UNC13B: variants seen among roughly 807,000 people sequenced by gnomAD.
The protein encoded by UNC13B is protein unc-13 homolog B.
A neutral mutation model predicts 211.0 loss-of-function variants in UNC13B; 144 were observed. That is an observed-to-expected ratio of 0.68 (90% CI 0.60 to 0.78). The LOEUF (loss-of-function observed/expected upper bound fraction) is 0.78. Among genes scored for constraint, UNC13B ranks in the 30% least tolerant of loss-of-function variants. The pLI is 0.00. For missense variants in UNC13B, 1,777 were observed against 2,002.0 expected (o/e 0.89, Z 2.14); for synonymous variants, 709 against 725.8 (o/e 0.98, Z 0.37).
At chr9:35,325,452 T>C (rs777297231) in intron 11 of UNC13B, among the ~76,000 whole-genome samples, 8 of 152,188 alleles carry the variant, frequency 5.3e-5, no homozygotes, top group Non-Finnish European at 1.2e-4. Flanking sequence ...CTAAGTGACA[T>C]AGAGACAAGG....
At chr9:35,219,127 A>G (rs1210820146) in intron 1 of UNC13B, among the ~76,000 whole-genome samples, 1 of 152,174 alleles carries the variant, frequency 6.6e-6, no homozygotes, top group Non-Finnish European at 1.5e-5. Flanking sequence ...AGTTTTCTTC[A>G]TGGTTAAATT....
rs116325395 is a variant in UNC13B, at chr9:35,204,292, C to T, written c.23-23723C>T. On this transcript the variant is annotated intron_variant, in intron 1 of 39. Coordinates refer to ENST00000635942, the MANE Select transcript of UNC13B (RefSeq NM_001371189.2). ...AAGCCTAGTGCAGGGTTTGAGCCCT[C>T]ATGGAGAACCTCTACTAGTGCAGTG... 9.7e-3 allele frequency among the ~76,000 whole-genome samples: 1,482 copies of T among 152,336 alleles called. 28 individuals carry two copies. Among genetic ancestry groups the T allele is most frequent in the African/African-American group, 0.034 (1,429 of 41,574 alleles).
chr9:35,388,855 A>G (rs922866531), intron 24 of UNC13B, among the ~76,000 whole-genome samples: 5 of 152,236 alleles, frequency 3.3e-5, no homozygotes, highest in Admixed American at 1.3e-4. Flanking sequence ...AAAGATCACG[A>G]TAGCTGCAAG....
At chr9:35,251,947 TC>T (rs1670050317) in intron 6 of UNC13B, among the ~76,000 whole-genome samples, 2 of 152,196 alleles carry the variant, frequency 1.3e-5, no homozygotes, top group South Asian at 4.1e-4. Context: ...CGCCTTGGCC[TC>T]CCAAAGTGCT....
intron 1 of UNC13B, among the ~76,000 whole-genome samples, chr9:35,199,012 C>T (rs1823109057): frequency 6.6e-6 from 1 of 152,174 alleles, no homozygotes; most frequent in East Asian, 1.9e-4. Context: ...CCTCCCCGCT[C>T]CCCCTACTGC....
chr9:35,239,252 C>T (rs553364223), intron 5 of UNC13B, among the ~76,000 whole-genome samples: 27 of 151,946 alleles, frequency 1.8e-4, no homozygotes, highest in East Asian at 3.9e-4. Flanking sequence ...AAGTGTTGGC[C>T]GGTCTAAGAA....
intron 1 of UNC13B, among the ~76,000 whole-genome samples, chr9:35,181,638 A>C (rs1257472376): frequency 6.6e-6 from 1 of 152,040 alleles, no homozygotes; most frequent in Non-Finnish European, 1.5e-5. Flanking sequence ...GGAGTTTGAG[A>C]CCAGCCTGGC....
chr9:35,228,472 G>A (rs1002069607), intron 2 of UNC13B, among the ~76,000 whole-genome samples: 3 of 151,792 alleles, frequency 2.0e-5, no homozygotes, highest in African/African-American at 7.3e-5. Flanking sequence ...TTCTCCTAAT[G>A]CTATCCCTCC....
At chr9:35,396,350 G>A (rs1482203699) in intron 26 of UNC13B, 126 bp from the exon 27 acceptor site, 14 of 1,216,024 alleles carry the variant, frequency 1.2e-5, no homozygotes, top group Middle Eastern at 2.2e-4. Flanking sequence ...TGAGAAGGAG[G>A]TTGGGAGTCA....
intron 29 of UNC13B, 119 bp from the exon 30 acceptor site, chr9:35,397,516 G>GATTCCCCCTTT: frequency 7.6e-7 from 1 of 1,315,536 alleles, no homozygotes; most frequent in South Asian, 1.3e-5. Flanking sequence ...TGTACTGTGG[G>GATTCCCCCTTT]ATTCCCCCTT....
intron 11 of UNC13B, among the ~76,000 whole-genome samples, chr9:35,326,367 A>G (rs948214143): frequency 6.6e-6 from 1 of 152,162 alleles, no homozygotes; most frequent in African/African-American, 2.4e-5. Context: ...CACATATACT[A>G]TGTTTTTTCC....
At chr9:35,249,855 G>T (rs1826352464) in intron 6 of UNC13B, among the ~76,000 whole-genome samples, 1 of 152,184 alleles carries the variant, frequency 6.6e-6, no homozygotes, top group African/African-American at 2.4e-5. Flanking sequence ...TTCTCGAGGA[G>T]TATCTTTGTT....
At chr9:35,329,575 C>T (rs187904348) in intron 11 of UNC13B, among the ~76,000 whole-genome samples, 42 of 151,920 alleles carry the variant, frequency 2.8e-4, no homozygotes, top group Admixed American at 1.6e-3. Flanking sequence ...ACAGCCTCCA[C>T]CTCCTAGGCT....
At chr9:35,238,106 GATTT>G (rs1366234973) in intron 5 of UNC13B, among the ~76,000 whole-genome samples, 2 of 152,182 alleles carry the variant, frequency 1.3e-5, no homozygotes, top group East Asian at 3.9e-4. Flanking sequence ...TTGCTTGTTA[GATTT>G]ATTATTTTGA....
At chr9:35,315,869 G>A (rs553024872) in intron 11 of UNC13B, among the ~76,000 whole-genome samples, 13 of 152,136 alleles carry the variant, frequency 8.5e-5, no homozygotes, top group East Asian at 3.9e-4. Context: ...CCTCATGTCC[G>A]GACTGAGGCC....
chr9:35,365,894 T>C (rs1409614113), intron 11 of UNC13B, among the ~76,000 whole-genome samples: 2 of 152,246 alleles, frequency 1.3e-5, no homozygotes, highest in Non-Finnish European at 2.9e-5. Context: ...AGCCTATTGC[T>C]GACCCAGGTA....
Position 35,295,783 on chromosome 9 carries a change from C to T in UNC13B, c.614C>T (p.Thr205Ile), listed in dbSNP as rs138440338. Residue 205 changes from threonine (T) to isoleucine (I), a missense_variant, in exon 8 of 40, where the codon ACA becomes ATA. Physicochemically the swap from Thr to Ile is moderately conservative, Grantham distance 89. Coordinates refer to ENST00000635942, the MANE Select transcript of UNC13B (RefSeq NM_001371189.2). ...AACAGCTTCCCACCTCCTTACCATA[C>T]AGCTTCCCAGCCCAACGCTTCTGTG... ...TSNSFPPPYH[T>I]ASQPNASVHQ... 5.6e-3 allele frequency: 9,111 copies of T among 1,614,126 alleles called. 57 individuals carry two copies. The highest frequency in any genetic ancestry group is 0.014 in the South Asian group (1,306 of 91,070).
chr9:35,310,364 T>G lies in UNC13B; in HGVS notation c.9009-103T>G, dbSNP rs1369285861. 2.1e-5 allele frequency: 27 copies of G among 1,256,422 alleles called. No individual in the cohort carries two copies. The Admixed American group carries it at 5.9e-4, about 28-fold the overall frequency. The allele number at this position is 1,256,422 out of a possible 1,614,324, so 77.8% of individuals were successfully genotyped here. On this transcript the variant is annotated intron_variant, in intron 9 of 39. Coordinates refer to ENST00000635942, the MANE Select transcript of UNC13B (RefSeq NM_001371189.2). Reference sequence around the variant, plus strand: ...CTCTTCCCAGGAACCTCCTATTTGATTCTTGCTACTAATGTAGTCATTATT... The same window carrying G: ...CTCTTCCCAGGAACCTCCTATTTGAGTCTTGCTACTAATGTAGTCATTATT...
chr9:35,275,436 C>T (rs578099311), intron 7 of UNC13B, among the ~76,000 whole-genome samples: 2 of 152,210 alleles, frequency 1.3e-5, no homozygotes, highest in Non-Finnish European at 2.9e-5. Flanking sequence ...CCCTCCTGTT[C>T]CTATTCCCCA....
Sources: gnomAD v4.1 joint callset for allele counts (sites outside exome capture counted in the v4.1 genomes callset) on GRCh38, gnomAD v4.1.1 for gene constraint, MANE v1.5 for transcripts, NCBI Gene and HGNC (gene_info 2026-07-23, HGNC 2026-07-21) for gene names.